Variants in SLC16A7 observed in about 807,000 individuals in gnomAD.
The protein encoded by SLC16A7 is solute carrier family 16 member 7.
A neutral mutation model predicts 34.9 loss-of-function variants in SLC16A7; 33 were observed. That is an observed-to-expected ratio of 0.94 (90% CI 0.72 to 1.26). The LOEUF (loss-of-function observed/expected upper bound fraction) is 1.26. Among genes scored for constraint, SLC16A7 ranks in the 50% most tolerant of loss-of-function variants. The pLI, the probability that SLC16A7 is intolerant of heterozygous loss-of-function variation, is 0.00. For missense variants in SLC16A7, 573 were observed against 578.1 expected, an observed-to-expected ratio of 0.99 and a Z score of 0.09; for synonymous variants, 201 against 206.6, an observed-to-expected ratio of 0.97 and a Z score of 0.23.
intron 1 of SLC16A7, among the ~76,000 whole-genome samples, chr12:59,599,368 AATC>A (rs776928591): frequency 2.6e-5 from 4 of 152,118 alleles, no homozygotes; most frequent in Non-Finnish European, 5.9e-5. Context: ...TCTTGCATCT[AATC>A]ATCTAGTTTA....
At chr12:59,716,302 G>T (rs1203606085) in intron 3 of SLC16A7, among the ~76,000 whole-genome samples, 1 of 152,132 alleles carries the variant, frequency 6.6e-6, no homozygotes, top group Non-Finnish European at 1.5e-5. Context: ...AAATGAGTGT[G>T]CATTCTTGGA....
At chr12:59,701,061 G>A (rs572997973) in intron 2 of SLC16A7, among the ~76,000 whole-genome samples, 1 of 151,654 alleles carries the variant, frequency 6.6e-6, no homozygotes, top group Non-Finnish European at 1.5e-5. Flanking sequence ...TGTAATAAAA[G>A]ACATGTAATT....
intron 3 of SLC16A7, among the ~76,000 whole-genome samples, chr12:59,719,203 C>T (rs1417931171): frequency 6.6e-6 from 1 of 152,086 alleles, no homozygotes; most frequent in Non-Finnish European, 1.5e-5. Flanking sequence ...ATCAAAAGCA[C>T]ATATTTGTGA....
Position 59,763,744 on chromosome 12 carries a change from C to T in SLC16A7, c.218-7475C>T, listed in dbSNP as rs575856973. 1.2e-4 allele frequency among the ~76,000 whole-genome samples: 18 copies of T among 152,224 alleles called. No individual in the cohort carries two copies. In the South Asian group the frequency reaches 3.5e-3, roughly 30 times the overall value. On this transcript the variant is annotated intron_variant, in intron 3 of 5. Coordinates refer to ENST00000547379, the MANE Select transcript of SLC16A7 (RefSeq NM_001270623.2). ...GCACCATTTTTCATGACAGCATGTG[C>T]TGACTTTGTGTCTTGTGTCACATTT... is the stretch of plus-strand genomic sequence containing the variant.
intron 3 of SLC16A7, among the ~76,000 whole-genome samples, chr12:59,728,371 G>A (rs1440864504): frequency 6.6e-6 from 1 of 152,222 alleles, no homozygotes; most frequent in African/African-American, 2.4e-5. Context: ...TTGGCTGTGA[G>A]CAGCTCTTTA....
At chr12:59,769,267 G>A (rs1350622815) in intron 3 of SLC16A7, 1 of 152,164 alleles carries the variant, frequency 6.6e-6, no homozygotes, top group South Asian at 2.1e-4. Flanking sequence ...AAAAATTTGT[G>A]ACTCACTTTA....
chr12:59,759,070 TCTA>T (rs1480961564), intron 3 of SLC16A7, among the ~76,000 whole-genome samples: 2 of 152,138 alleles, frequency 1.3e-5, no homozygotes, highest in East Asian at 1.9e-4. Context: ...ATATTATTAA[TCTA>T]CTACTACATA....
At chr12:59,751,890 G>A (rs1459698778) in intron 3 of SLC16A7, among the ~76,000 whole-genome samples, 1 of 152,112 alleles carries the variant, frequency 6.6e-6, no homozygotes, top group Non-Finnish European at 1.5e-5. Flanking sequence ...ACACGGCCGG[G>A]TACTCCTCTT....
In SLC16A7 at chr12:59,785,458, A is replaced by G. The variant is rs947736709; in HGVS notation, c.*5779A>G. The G allele has an allele frequency of 2.6e-5, 4 of 152,190 alleles. No individual in the cohort carries two copies. The highest frequency in any genetic ancestry group is 5.9e-5 in the Non-Finnish European group (4 of 68,032). The allele number at this position is 152,190 out of a possible 1,614,324, so 9.4% of individuals were successfully genotyped here. On this transcript the variant is annotated 3_prime_UTR_variant, in exon 6 of 6. Coordinates refer to ENST00000547379, the MANE Select transcript of SLC16A7 (RefSeq NM_001270623.2). The stretch of plus-strand genomic sequence containing the variant: ...CAAAATGAATTTTTGATTTTACAGA[A>G]GCATATGGGAATTTAGATCAAATTA...
At chr12:59,707,636 A>G (rs942630496) in intron 3 of SLC16A7, among the ~76,000 whole-genome samples, 49 of 152,104 alleles carry the variant, frequency 3.2e-4, no homozygotes, top group African/African-American at 1.2e-3. Context: ...TAAAATTTTT[A>G]GGGTGATAGA....
chr12:59,684,214 G>T lies in SLC16A7; in HGVS notation c.-30-20558G>T, dbSNP rs201436776. The stretch of plus-strand genomic sequence containing the variant: ...AGGCTCAGAGAAATATACACATTTT[G>T]TAGGCTAAGAAAATAACTAGAAAAG... On this transcript the variant is annotated intron_variant, in intron 2 of 5. Coordinates refer to ENST00000547379, the MANE Select transcript of SLC16A7 (RefSeq NM_001270623.2). Among the ~76,000 whole-genome samples the T allele has an allele frequency of 1.2e-4, 18 of 152,284 alleles. No individual in the cohort carries two copies. In the East Asian group the frequency reaches 3.5e-3, roughly 29 times the overall value.
chr12:59,746,640 T>A (rs528555186), intron 3 of SLC16A7, among the ~76,000 whole-genome samples: 2 of 152,350 alleles, frequency 1.3e-5, no homozygotes, highest in East Asian at 1.9e-4. Context: ...TCAAGCTATG[T>A]TAGCATTCCA....
At chr12:59,754,218 C>T (rs1879984509) in intron 3 of SLC16A7, among the ~76,000 whole-genome samples, 1 of 152,092 alleles carries the variant, frequency 6.6e-6, no homozygotes, top group African/African-American at 2.4e-5. Context: ...AGAGCAAATA[C>T]ATTCAAAAGC....
Position 59,779,591 on chromosome 12 carries a change from C to T in SLC16A7, c.1349C>T (p.Pro450Leu). 1.2e-6 allele frequency: 2 copies of T among 1,611,988 alleles called. No individual in the cohort carries two copies. Among genetic ancestry groups the T allele is most frequent in the East Asian group, 2.2e-5 (1 of 44,768 alleles). The change falls in exon 6 of 6, where the codon CCC becomes CTC. Residue 450 changes from proline to leucine, a missense_variant. Transcript: ENST00000547379. ...NARQKTRESE[P>L]LSKSKHSEDV... ...AGGCAGAAGACCAGAGAATCTGAAC[C>T]CTTGAGCAAATCTAAACATTCGGAA... is the stretch of plus-strand genomic sequence containing the variant.
chr12:59,612,759 C>T (rs1341736402), intron 1 of SLC16A7, among the ~76,000 whole-genome samples: 1 of 152,206 alleles, frequency 6.6e-6, no homozygotes, highest in Non-Finnish European at 1.5e-5. Context: ...GCAAATGCTA[C>T]CAGTCTGTTT....
chr12:59,666,055 A>G (rs1469076945), intron 2 of SLC16A7, among the ~76,000 whole-genome samples: 1 of 152,120 alleles, frequency 6.6e-6, no homozygotes, highest in African/African-American at 2.4e-5. Flanking sequence ...TGATTTTACA[A>G]TTGGAGTTTG....
chr12:59,703,658 A>G (rs1191755746), intron 2 of SLC16A7, among the ~76,000 whole-genome samples: 1 of 152,040 alleles, frequency 6.6e-6, no homozygotes, highest in Non-Finnish European at 1.5e-5. Context: ...GTCACCCAGG[A>G]TGGAGTGCAG....
At chr12:59,696,668 T>A (rs528848504) in intron 2 of SLC16A7, 2 of 152,148 alleles carry the variant, frequency 1.3e-5, no homozygotes, top group Non-Finnish European at 2.9e-5. Flanking sequence ...CCAGAGTGTG[T>A]ATGACTTGAA....
chr12:59,621,884 C>T (rs1052866286), intron 1 of SLC16A7, among the ~76,000 whole-genome samples: 1 of 151,682 alleles, frequency 6.6e-6, no homozygotes, highest in Non-Finnish European at 1.5e-5. Flanking sequence ...GGAAATTATG[C>T]ATTTTAGTTA....
Sources: gnomAD v4.1 joint callset for allele counts (sites outside exome capture counted in the v4.1 genomes callset) on GRCh38, gnomAD v4.1.1 for gene constraint, MANE v1.5 for transcripts, NCBI Gene and HGNC (gene_info 2026-07-23, HGNC 2026-07-21) for gene names.